The following DNAH7 variants were observed in gnomAD, a reference collection of about 807,000 sequenced individuals.
DNAH7 encodes dynein axonemal heavy chain 7, also known as axonemal beta dynein heavy chain 7.
Under a neutral mutation model 444.6 loss-of-function variants are expected in DNAH7, and 397 were observed. The ratio of observed to expected loss-of-function variants is 0.89; its 90% CI spans 0.82 to 0.97. The LOEUF is 0.97. Among genes scored for constraint, DNAH7 ranks in the 50% least tolerant of loss-of-function variants. The pLI, the probability that DNAH7 is intolerant of heterozygous loss-of-function variation, is 0.00. For missense variants in DNAH7, 4,902 were observed against 4,800.8 expected, an observed-to-expected ratio of 1.02 and a Z score of -0.62; for synonymous variants, 1,636 against 1,624.4, an observed-to-expected ratio of 1.01 and a Z score of -0.17.
chr2:195,858,665 T>C lies in DNAH7; in HGVS notation c.7876A>G (p.Met2626Val), dbSNP rs897061290. ...GACTCTTTCTCAATCATTATCATCA[T>C]TTCATCAACCTCTTTGCTAGCAACT... ...LKVASKEVDEMMIMIEKESVE... is the reference protein window; with the variant it reads ...LKVASKEVDEVMIMIEKESVE... The change falls in exon 43 of 65, where the codon ATG becomes GTG. Residue 2626 changes from methionine to valine, a missense_variant. By Grantham distance (21) the Met-to-Val change is conservative. Coordinates refer to ENST00000312428, the MANE Select transcript of DNAH7 (RefSeq NM_018897.3). 11 of 1,614,102 alleles carry C rather than the reference T, an allele frequency of 6.8e-6. No individual in the cohort carries two copies. Among genetic ancestry groups the C allele is most frequent in the South Asian group, 1.1e-5 (1 of 91,078 alleles).
intron 47 of DNAH7, among the ~76,000 whole-genome samples, chr2:195,840,708 T>A (rs1273734662): frequency 6.6e-6 from 1 of 151,794 alleles, no homozygotes; most frequent in East Asian, 1.9e-4. Flanking sequence ...AATGAATAGT[T>A]GAACACAATC....
chr2:195,802,790 G>A (rs1696535169), intron 54 of DNAH7, among the ~76,000 whole-genome samples: 1 of 152,010 alleles, frequency 6.6e-6, no homozygotes, highest in African/African-American at 2.4e-5. Context: ...AGGGCTTTTA[G>A]GGTATCCGTT....
intron 7 of DNAH7, among the ~76,000 whole-genome samples, chr2:196,024,953 TAATAAA>T (rs1040990281): frequency 6.7e-6 from 1 of 148,536 alleles, no homozygotes; most frequent in Non-Finnish European, 1.5e-5. Flanking sequence ...TCAGAAAAAA[TAATAAA>T]AATAACAGAC....
chr2:195,808,905 C>T, intron 52 of DNAH7, 29 bp from the exon 53 acceptor site: 1 of 1,593,542 alleles, frequency 6.3e-7, no homozygotes, highest in Non-Finnish European at 8.6e-7. Context: ...CGTGAAGAGT[C>T]AGAAACGAGT....
intron 27 of DNAH7, chr2:195,900,995 TAAAA>T (rs1298225103): frequency 6.6e-6 from 1 of 152,234 alleles, no homozygotes; most frequent in Non-Finnish European, 1.5e-5. Flanking sequence ...GGGAATTAAA[TAAAA>T]AGACCATTGT....
At chr2:195,821,160 TAAA>T (rs35044943) in intron 49 of DNAH7, among the ~76,000 whole-genome samples, 7 of 141,220 alleles carry the variant, frequency 5.0e-5, no homozygotes, top group Non-Finnish European at 1.6e-5. Context: ...GTGGGAAGGT[TAAA>T]AAAAAAAAAA....
chr2:195,771,903 C>A lies in DNAH7; in HGVS notation c.11203-13G>T. 6.2e-7 allele frequency: 1 copy of A among 1,609,136 alleles called. No homozygotes were observed. The highest frequency in any genetic ancestry group is 8.5e-7 in the Non-Finnish European group (1 of 1,175,490). On this transcript the variant is annotated splice_polypyrimidine_tract_variant and intron_variant, in intron 60 of 64. Coordinates refer to ENST00000312428, the MANE Select transcript of DNAH7 (RefSeq NM_018897.3). ...CTGCTGAACGAGACTATGAAGAATC[C>A]AAACTATAACTCAAAAATCCTCATA...
intron 5 of DNAH7, among the ~76,000 whole-genome samples, chr2:196,033,842 T>G (rs146147083): frequency 6.6e-6 from 1 of 152,342 alleles, no homozygotes; most frequent in African/African-American, 2.4e-5. Context: ...GTAATTCTAT[T>G]ATTAGTTTTT....
chr2:195,905,996 T>A (rs953017389), intron 27 of DNAH7, among the ~76,000 whole-genome samples: 2 of 152,090 alleles, frequency 1.3e-5, no homozygotes, highest in African/African-American at 4.8e-5. Flanking sequence ...GCACACTGAA[T>A]GTCCAAAAGT....
At chr2:195,992,814 G>A (rs1003020795) in intron 12 of DNAH7, among the ~76,000 whole-genome samples, 1 of 152,144 alleles carries the variant, frequency 6.6e-6, no homozygotes, top group East Asian at 1.9e-4. Context: ...AACTTGGGAC[G>A]CCATTCCTGA....
intron 1 of DNAH7, among the ~76,000 whole-genome samples, chr2:196,066,487 C>G (rs986567095): frequency 2.0e-5 from 3 of 152,148 alleles, no homozygotes; most frequent in Non-Finnish European, 4.4e-5. Flanking sequence ...CAGCTTTTTC[C>G]TCTTCTCTGC....
chr2:195,937,302 T>G (rs950414010), intron 19 of DNAH7, among the ~76,000 whole-genome samples: 5 of 152,146 alleles, frequency 3.3e-5, no homozygotes, highest in Admixed American at 6.6e-5. Context: ...GATCTTACAT[T>G]GTAAACAATG....
In DNAH7 at chr2:195,740,862, G is replaced by A; in HGVS notation, c.11772C>T (p.Phe3924=). The change falls in exon 64 of 65, where the codon TTC becomes TTT. Residue 3924 remains phenylalanine, a synonymous_variant. Coordinates refer to ENST00000312428, the MANE Select transcript of DNAH7 (RefSeq NM_018897.3). ...CTCCATCCAGAAATAATCCGTGAAT[G>A]AAAACACCTAAATATAAAAGAAACA... ...EYKHPPEDGV[F]IHGLFLDGAS... 1.3e-6 allele frequency: 2 copies of A among 1,540,868 alleles called. No homozygotes were observed. Among genetic ancestry groups the A allele is most frequent in the East Asian group, 2.4e-5 (1 of 42,174 alleles).
chr2:195,772,238 G>A (rs1289213638), intron 60 of DNAH7, among the ~76,000 whole-genome samples: 2 of 152,184 alleles, frequency 1.3e-5, no homozygotes, highest in Non-Finnish European at 2.9e-5. Flanking sequence ...GTGGCCAAGC[G>A]ATGGCGGGCA....
intron 51 of DNAH7, among the ~76,000 whole-genome samples, chr2:195,810,375 G>A (rs1358617695): frequency 6.6e-6 from 1 of 151,978 alleles, no homozygotes; most frequent in Non-Finnish European, 1.5e-5. Context: ...GGCAAAACAC[G>A]AAAATAGGAA....
intron 47 of DNAH7, among the ~76,000 whole-genome samples, chr2:195,834,695 A>G (rs1698247629): frequency 6.6e-6 from 1 of 152,196 alleles, no homozygotes; most frequent in Non-Finnish European, 1.5e-5. Flanking sequence ...CTGCGTTGGA[A>G]ATAAGGAAAC....
chr2:196,001,022 A>G, intron 11 of DNAH7, 139 bp from the exon 12 acceptor site: 2 of 593,008 alleles, frequency 3.4e-6, no homozygotes, highest in Non-Finnish European at 5.4e-6. Context: ...GAGGAGCTCT[A>G]ATAAAAAGAG....
chr2:195,738,075 ACAT>A lies in DNAH7; in HGVS notation c.11918_11920del (p.Tyr3973_Val3974delinsPhe). On this transcript the variant is annotated inframe_deletion, in exon 65 of 65. Transcript: ENST00000312428. ...CTCACTTGTCTTATACAATGGAGCA[ACAT>A]AACTTGGCCGTTTTGGTATATCTGC... 6.2e-7 allele frequency: 1 copy of A among 1,614,016 alleles called. No individual in the cohort carries two copies. The highest frequency in any genetic ancestry group is 2.2e-5 in the East Asian group (1 of 44,882).
chr2:195,935,508 T>C (rs1031173113), intron 20 of DNAH7, among the ~76,000 whole-genome samples: 1 of 152,202 alleles, frequency 6.6e-6, no homozygotes, highest in Admixed American at 6.5e-5. Context: ...TCACTGTTTA[T>C]ATCAGATGCT....
Sources: gnomAD v4.1 joint callset for allele counts (sites outside exome capture counted in the v4.1 genomes callset) on GRCh38, gnomAD v4.1.1 for gene constraint, MANE v1.5 for transcripts, NCBI Gene and HGNC (gene_info 2026-07-23, HGNC 2026-07-21) for gene names.